The following ZNF710 variants were observed in gnomAD, a reference collection of about 807,000 sequenced individuals.
The protein encoded by ZNF710 is zinc finger protein 710.
Under a neutral mutation model 50.6 loss-of-function variants are expected in ZNF710, and 13 were observed. The observed-to-expected ratio is 0.26, with a 90% CI of 0.17 to 0.41. The LOEUF (loss-of-function observed/expected upper bound fraction) is 0.41. Among genes scored for constraint, ZNF710 ranks in the 10% least tolerant of loss-of-function variants. ZNF710 has a pLI of 1.00. For missense variants in ZNF710, 721 were observed against 936.6 expected (o/e 0.77, Z 3.01); for synonymous variants, 383 against 397.0 (o/e 0.96, Z 0.42).
chr15:90,061,429 C>T (rs1238964290), intron 1 of ZNF710, among the ~76,000 whole-genome samples: 2 of 152,176 alleles, frequency 1.3e-5, no homozygotes, highest in East Asian at 1.9e-4. Context: ...GCCTCAGCCT[C>T]CCAAAGTGCT....
intron 1 of ZNF710, among the ~76,000 whole-genome samples, chr15:90,020,818 A>C (rs1164766757): frequency 4.0e-5 from 6 of 151,728 alleles, no homozygotes; most frequent in Non-Finnish European, 7.4e-5. Flanking sequence ...CGGGTCCCCC[A>C]CCCGCCTCCC....
In ZNF710 at chr15:90,073,850, C is replaced by T. The variant is rs148420849; in HGVS notation, c.1651-266C>T. Among the ~76,000 whole-genome samples the T allele has an allele frequency of 5.4e-3, 816 of 151,940 alleles. 6 individuals carry two copies. The highest frequency in any genetic ancestry group is 0.018 in the African/African-American group (758 of 41,424). On this transcript the variant is annotated intron_variant, in intron 3 of 4. Transcript: ENST00000268154. The stretch of plus-strand genomic sequence containing the variant: ...CTAAACATACAAAAAATTAGCTGGG[C>T]GTGGTGGCACGTGCCTGTAGTCCCA...
chr15:90,017,519 A>C (rs921923017), intron 1 of ZNF710, among the ~76,000 whole-genome samples: 2 of 150,874 alleles, frequency 1.3e-5, no homozygotes, highest in Non-Finnish European at 2.9e-5. Context: ...AGAAAGAAGC[A>C]GGGTCCTTTT....
In ZNF710 at chr15:90,059,699, A is replaced by G. The variant is rs1596047628; in HGVS notation, c.-28-7411A>G. Among the ~76,000 whole-genome samples, 2 of 152,170 alleles carry G rather than the reference A, an allele frequency of 1.3e-5. No individual in the cohort carries two copies. The highest frequency in any genetic ancestry group is 3.9e-4 in the East Asian group (2 of 5,190). ...GAGGCCTGTGGGCTGGGCAGAAGTG[A>G]GACTGTGGCAAGGGGCCCCGAGGCA... On this transcript the variant is annotated intron_variant, in intron 1 of 4. Coordinates refer to ENST00000268154, the MANE Select transcript of ZNF710 (RefSeq NM_198526.4). The surrounding 1 kb of genome is among the most constrained non-coding windows in gnomAD (Gnocchi z 4.1).
At chr15:90,028,417 A>G (rs1039862093) in intron 1 of ZNF710, among the ~76,000 whole-genome samples, 4 of 152,208 alleles carry the variant, frequency 2.6e-5, no homozygotes, top group African/African-American at 9.7e-5. Context: ...CTGAGAAGGT[A>G]TTTAGGAGTC....
chr15:90,045,321 A>G, intron 1 of ZNF710: 1 of 985,438 alleles, frequency 1.0e-6, no homozygotes, highest in Non-Finnish European at 1.2e-6. Flanking sequence ...AACAGCAGAA[A>G]GAAGGAAGCT....
intron 1 of ZNF710, among the ~76,000 whole-genome samples, chr15:90,037,601 C>A (rs1567229560): frequency 6.6e-6 from 1 of 152,186 alleles, no homozygotes; most frequent in African/African-American, 2.4e-5. Flanking sequence ...GGCTTTTCAG[C>A]CTTGGACACC....
At chr15:90,053,619 T>C (rs1412322661) in intron 1 of ZNF710, among the ~76,000 whole-genome samples, 1 of 151,928 alleles carries the variant, frequency 6.6e-6, no homozygotes, top group Non-Finnish European at 1.5e-5. Flanking sequence ...GGATTATGGG[T>C]GTGAGCCCCT....
intron 1 of ZNF710, among the ~76,000 whole-genome samples, chr15:90,061,343 A>T (rs1177479431): frequency 2.7e-5 from 4 of 149,554 alleles, no homozygotes; most frequent in Non-Finnish European, 4.5e-5. Flanking sequence ...TAATTTTTGC[A>T]TTTTTTTTTG....
chr15:90,016,355 A>T (rs1214073493), intron 1 of ZNF710, among the ~76,000 whole-genome samples: 1 of 152,140 alleles, frequency 6.6e-6, no homozygotes, highest in Non-Finnish European at 1.5e-5. Flanking sequence ...TCATGGAGAG[A>T]GTTAGCCTTG....
In ZNF710 at chr15:90,034,202, AAAAAGAAAAGAAAAG is replaced by A. The variant is rs60950814; in HGVS notation, c.-29+32603_-29+32617del. ...GACAGAGTGAGACTCTGTCTCAAAAAAAAAGAAAAGAAAAGAAAAGAAAAGAAAACAGGTGAACGA... is the reference window on the plus strand; with the variant it reads ...GACAGAGTGAGACTCTGTCTCAAAAAAAAAGAAAAGAAAACAGGTGAACGA... On this transcript the variant is annotated intron_variant, in intron 1 of 4. Transcript: ENST00000268154. The surrounding 1 kb of genome is among the most constrained non-coding windows in gnomAD (Gnocchi z 4.0). Among the ~76,000 whole-genome samples, 1 of 151,008 alleles carries A rather than the reference AAAAAGAAAAGAAAAG, an allele frequency of 6.6e-6. No homozygotes were observed. The highest frequency in any genetic ancestry group is 2.5e-5 in the African/African-American group (1 of 40,726).
At chr15:90,033,272 G>T (rs1686096073) in intron 1 of ZNF710, among the ~76,000 whole-genome samples, 1 of 152,198 alleles carries the variant, frequency 6.6e-6, no homozygotes, top group Non-Finnish European at 1.5e-5. Context: ...GTTGATGTTA[G>T]ATCTGAGAGG....
upstream of ZNF710, among the ~76,000 whole-genome samples, chr15:89,999,772 C>T (rs1278644874): frequency 1.3e-5 from 2 of 151,922 alleles, no homozygotes. Context: ...AGGCTGCAGT[C>T]ACTGGGGGAG....
intron 1 of ZNF710, among the ~76,000 whole-genome samples, chr15:90,033,681 C>T (rs1183484196): frequency 2.0e-5 from 3 of 152,208 alleles, no homozygotes; most frequent in African/African-American, 7.2e-5. Flanking sequence ...AACTCAGCCT[C>T]CCAAGTAGCT....
intron 1 of ZNF710, among the ~76,000 whole-genome samples, chr15:90,027,250 G>A (rs1039712826): frequency 6.6e-5 from 10 of 151,264 alleles, no homozygotes; most frequent in African/African-American, 2.4e-4. Flanking sequence ...TTGCTCTGTC[G>A]CCCAGGCTGG....
At chr15:90,035,163 C>T (rs1200801978) in intron 1 of ZNF710, among the ~76,000 whole-genome samples, 1 of 152,218 alleles carries the variant, frequency 6.6e-6, no homozygotes, top group Non-Finnish European at 1.5e-5. Context: ...ACCGCATTTG[C>T]CTCACCACTT....
chr15:90,008,180 CTG>C (rs1898185946), intron 1 of ZNF710, among the ~76,000 whole-genome samples: 1 of 151,834 alleles, frequency 6.6e-6, no homozygotes, highest in African/African-American at 2.4e-5. Flanking sequence ...GGTAAAACAA[CTG>C]TTTTTTATTA....
At chr15:90,010,785 G>T (rs1348899059) in intron 1 of ZNF710, among the ~76,000 whole-genome samples, 1 of 152,020 alleles carries the variant, frequency 6.6e-6, no homozygotes, top group African/African-American at 2.4e-5. Flanking sequence ...GGATCTTGCT[G>T]TGTCACCCAG....
rs911697775 is a variant in ZNF710 at position 90,013,862 on chromosome 15, G to A, written c.-29+12248G>A. Among the ~76,000 whole-genome samples the A allele has an allele frequency of 5.3e-5, 8 of 152,110 alleles. No homozygotes were observed. The East Asian group carries it at 7.7e-4, about 15-fold the overall frequency. ...TATCTGGTCTTTCCACATTCACAGC[G>A]TTCACAGGCCACTGTTGCATTACCT... On this transcript the variant is annotated intron_variant, in intron 1 of 4. Coordinates refer to ENST00000268154, the MANE Select transcript of ZNF710 (RefSeq NM_198526.4).
Sources: allele counts gnomAD v4.1 joint callset (sites outside exome capture counted in the v4.1 genomes callset), GRCh38; gene constraint gnomAD v4.1.1; non-coding constraint Gnocchi (gnomAD v3.1); transcripts MANE v1.5; gene names NCBI Gene and HGNC (gene_info 2026-07-23, HGNC 2026-07-21).